The following TRIM36 variants were observed in gnomAD, a reference collection of about 807,000 sequenced individuals.
The protein encoded by TRIM36 is tripartite motif containing 36.
TRIM36 carries 42 observed loss-of-function variants against 72.4 expected under a neutral mutation model. That is an observed-to-expected ratio of 0.58 (90% CI 0.45 to 0.75). TRIM36 has a LOEUF of 0.75. Ranked by LOEUF, TRIM36 falls within the 30% of genes least tolerant of loss-of-function variation. TRIM36 has a pLI of 0.00. For missense variants in TRIM36, 913 were observed against 857.1 expected (o/e 1.07, Z -0.81); for synonymous variants, 315 against 282.8 (o/e 1.11, Z -1.14).
chr5:115,144,558 T>C, intron 4 of TRIM36, 40 bp downstream of exon 4: 1 of 1,611,336 alleles, frequency 6.2e-7, no homozygotes, highest in South Asian at 1.1e-5. Context: ...TAAAGTAAAG[T>C]TACGAAGAAT....
chr5:115,169,274 C>A (rs1368169591), intron 1 of TRIM36, among the ~76,000 whole-genome samples: 1 of 152,236 alleles, frequency 6.6e-6, no homozygotes, highest in African/African-American at 2.4e-5. Flanking sequence ...CTGCCCGCAC[C>A]CGACTCCCAA....
intron 2 of TRIM36, among the ~76,000 whole-genome samples, chr5:115,150,029 G>C (rs568125635): frequency 2.5e-3 from 387 of 152,292 alleles, no homozygotes; most frequent in African/African-American, 8.8e-3. Context: ...AAAGTGCTGG[G>C]ATTACAGGCT....
intron 2 of TRIM36, among the ~76,000 whole-genome samples, chr5:115,152,890 A>C (rs1021124047): frequency 6.6e-6 from 1 of 152,196 alleles, no homozygotes; most frequent in Non-Finnish European, 1.5e-5. Context: ...CAAATCCTGG[A>C]AACGCATCAA....
upstream of TRIM36, chr5:115,180,203 G>A (rs1202146762): frequency 3.1e-6 from 2 of 645,454 alleles, no homozygotes; most frequent in African/African-American, 3.8e-5. Flanking sequence ...GCGGGCTTGG[G>A]TGAAATGAAG....
At chr5:115,141,675 C>T (rs1217655538) in intron 4 of TRIM36, among the ~76,000 whole-genome samples, 2 of 152,092 alleles carry the variant, frequency 1.3e-5, no homozygotes, top group Non-Finnish European at 2.9e-5. Context: ...CATTATCATT[C>T]CTAGAGCTCC....
intron 9 of TRIM36, 97 bp from the exon 10 acceptor site, chr5:115,126,954 T>C (rs1027889041): frequency 2.2e-5 from 27 of 1,203,506 alleles, no homozygotes; most frequent in Non-Finnish European, 3.0e-5. Context: ...AAAGTTAAAA[T>C]AGTTTTTACA....
chr5:115,144,541 A>G, intron 4 of TRIM36, 57 bp downstream of exon 4: 1 of 1,599,226 alleles, frequency 6.3e-7, no homozygotes. Flanking sequence ...ATGAAAAGTT[A>G]AAGGCATAAA....
Position 115,163,625 on chromosome 5 carries a change from A to C in TRIM36, c.155T>G (p.Leu52Arg). ...TCCCACATCGTTGAATGAATCATCG[A>C]GAGTCAGCAGGAGTTCTTTTACACA... The part of the protein sequence containing the change: ...HKCVKELLLT[L>R]DDSFNDVGSD... Residue 52 changes from leucine to arginine, a missense_variant, in exon 2 of 10, where the codon CTC becomes CGC. Coordinates refer to ENST00000513154, the MANE Select transcript of TRIM36 (RefSeq NM_001300759.2). The C allele has an allele frequency of 6.2e-7, 1 of 1,614,194 alleles. No individual in the cohort carries two copies. The highest frequency in any genetic ancestry group is 1.7e-5 in the Admixed American group (1 of 60,026).
chr5:115,177,914 C>T lies in TRIM36; in HGVS notation c.63+2061G>A, dbSNP rs564969842. 34 of 1,599,718 alleles carry T rather than the reference C, an allele frequency of 2.1e-5. 2 individuals are homozygous for T. In the South Asian group the frequency reaches 3.5e-4, roughly 17 times the overall value. ...CAGAGAGAGAGAGAGCAGAGAAATC[C>T]AGTAAATGAAGCCAGAAAGTTAGTT... On this transcript the variant is annotated intron_variant, in intron 1 of 9. Transcript: ENST00000282369.
In TRIM36 at chr5:115,151,270, G is replaced by A. The variant is rs982440599; in HGVS notation, c.263-3876C>T. On this transcript the variant is annotated intron_variant, in intron 2 of 9. Coordinates refer to ENST00000513154, the MANE Select transcript of TRIM36 (RefSeq NM_001300759.2). ...GTGACTGCCGGCTTTCCTTCACTTCGCTGACAACCTGCATGACACAGCAGA... is the reference window on the plus strand; with the variant it reads ...GTGACTGCCGGCTTTCCTTCACTTCACTGACAACCTGCATGACACAGCAGA... 5.3e-5 allele frequency among the ~76,000 whole-genome samples: 8 copies of A among 152,234 alleles called. 1 individual carries two copies. In the South Asian group the frequency reaches 8.3e-4, roughly 16 times the overall value.
At chr5:115,176,709 A>G (rs1415191524) in intron 1 of TRIM36, among the ~76,000 whole-genome samples, 2 of 152,234 alleles carry the variant, frequency 1.3e-5, no homozygotes, top group Admixed American at 1.3e-4. Context: ...TAGTGAGGCA[A>G]ATCTTACAAG....
chr5:115,138,987 T>A (rs930473479), intron 5 of TRIM36, among the ~76,000 whole-genome samples: 1 of 151,432 alleles, frequency 6.6e-6, no homozygotes, highest in South Asian at 2.1e-4. Flanking sequence ...TACTAAATTT[T>A]TTTTTGTATT....
chr5:115,180,077 T>C, exon 1 of TRIM36: 1 of 1,587,134 alleles, frequency 6.3e-7, no homozygotes, highest in Non-Finnish European at 8.6e-7. Flanking sequence ...CCGACGCGGG[T>C]GTATCGAATT....
intron 2 of TRIM36, among the ~76,000 whole-genome samples, chr5:115,150,550 G>A (rs1753834050): frequency 6.6e-6 from 1 of 152,198 alleles, no homozygotes; most frequent in Non-Finnish European, 1.5e-5. Flanking sequence ...TATAACTAGA[G>A]GAAGGACTAG....
rs745354621 is a variant in TRIM36, at chr5:115,137,601, C to A, written c.847G>T (p.Ala283Ser). ...MKETECNGER[A>S]KEEAITHFEK... ...AAATGTGTAATTGCTTCTTCTTTAGCCCTCTCTCCATTACACTAAGAAAAA... is the reference window on the plus strand; with the variant it reads ...AAATGTGTAATTGCTTCTTCTTTAGACCTCTCTCCATTACACTAAGAAAAA... The change falls in exon 6 of 10, where the codon GCT becomes TCT. Residue 283 changes from alanine to serine, a missense_variant. Coordinates refer to ENST00000513154, the MANE Select transcript of TRIM36 (RefSeq NM_001300759.2). 1 of 1,607,158 alleles carries A rather than the reference C, an allele frequency of 6.2e-7. No homozygotes were observed.
intron 5 of TRIM36, 109 bp from the exon 6 acceptor site, chr5:115,137,725 GTGA>G: frequency 8.1e-7 from 1 of 1,227,292 alleles, no homozygotes; most frequent in Non-Finnish European, 1.1e-6. Flanking sequence ...TTTCATCTAT[GTGA>G]TGACAGCATT....
intron 8 of TRIM36, among the ~76,000 whole-genome samples, chr5:115,133,367 C>A (rs555174375): frequency 2.0e-5 from 3 of 152,168 alleles, no homozygotes; most frequent in Admixed American, 6.5e-5. Context: ...AAAAGCTATT[C>A]ATGTGGTTCT....
At chr5:115,142,709 T>TC (rs572888506) in intron 4 of TRIM36, among the ~76,000 whole-genome samples, 106 of 152,334 alleles carry the variant, frequency 7.0e-4, no homozygotes, top group Non-Finnish European at 1.2e-3. Flanking sequence ...AATCAGGATG[T>TC]CCATTTATTC....
chr5:115,169,558 G>C, intron 1 of TRIM36, 50 bp downstream of exon 1: 7 of 1,487,846 alleles, frequency 4.7e-6, no homozygotes, highest in South Asian at 1.3e-5. Flanking sequence ...AAAGAGCCGC[G>C]GTCGGCACAC....
Sources: gnomAD v4.1 joint callset for allele counts (sites outside exome capture counted in the v4.1 genomes callset) on GRCh38, gnomAD v4.1.1 for gene constraint, MANE v1.5 for transcripts, NCBI Gene and HGNC (gene_info 2026-07-23, HGNC 2026-07-21) for gene names.